The following SMAP1 variants were observed in gnomAD, a reference collection of about 807,000 sequenced individuals.
SMAP1 encodes small ArfGAP 1, also known as stromal membrane-associated protein 1.
SMAP1 carries 24 observed loss-of-function variants against 58.5 expected under a neutral mutation model. The observed-to-expected ratio is 0.41, with a 90% CI of 0.30 to 0.58. The LOEUF (loss-of-function observed/expected upper bound fraction) is 0.58. Ranked by LOEUF, SMAP1 falls within the 20% of genes least tolerant of loss-of-function variation. SMAP1 has a pLI of 0.29. For missense variants in SMAP1, 563 were observed against 566.3 expected, an observed-to-expected ratio of 0.99 and a Z score of 0.06; for synonymous variants, 216 against 196.6, an observed-to-expected ratio of 1.10 and a Z score of -0.82.
intron 4 of SMAP1, among the ~76,000 whole-genome samples, chr6:70,786,434 T>A (rs1221781512): frequency 1.6e-5 from 2 of 122,302 alleles, no homozygotes; most frequent in Non-Finnish European, 3.3e-5. Context: ...TTCAACATAG[T>A]GTTGGAAGTT....
Position 70,784,629 on chromosome 6 carries a change from C to CA in SMAP1, c.415-7053dup, listed in dbSNP as rs1222244254. Among the ~76,000 whole-genome samples the CA allele has an allele frequency of 4.0e-5, 6 of 151,604 alleles. No individual in the cohort carries two copies. In the South Asian group the frequency reaches 1.3e-3, roughly 32 times the overall value. ...GAAGATCTACCAAGCAAATGGAAAACAAAAAAAGGCAGGGGTTGCAATCCC... is the reference window on the plus strand; with the variant it reads ...GAAGATCTACCAAGCAAATGGAAAACAAAAAAAAGGCAGGGGTTGCAATCCC... On this transcript the variant is annotated intron_variant, in intron 4 of 10. Transcript: ENST00000370455.
intron 7 of SMAP1, among the ~76,000 whole-genome samples, chr6:70,841,631 G>A (rs1770811718): frequency 6.6e-6 from 1 of 152,066 alleles, no homozygotes; most frequent in Non-Finnish European, 1.5e-5. Context: ...GAACTATATG[G>A]AGAAGTAGGT....
intron 2 of SMAP1, among the ~76,000 whole-genome samples, chr6:70,750,833 G>T (rs1490833613): frequency 1.3e-5 from 2 of 152,198 alleles, no homozygotes; most frequent in Non-Finnish European, 2.9e-5. Flanking sequence ...GGTAAGTTTG[G>T]ATGAAGATGA....
At chr6:70,791,602 A>G (rs1475147284) in intron 4 of SMAP1, 87 bp from the exon 5 acceptor site, 9 of 1,085,868 alleles carry the variant, frequency 8.3e-6, no homozygotes, top group Non-Finnish European at 1.2e-5. Flanking sequence ...TCAAAAATAT[A>G]CAGGGATTTT....
intron 1 of SMAP1, among the ~76,000 whole-genome samples, chr6:70,728,973 T>A (rs1765298022): frequency 1.3e-5 from 2 of 152,228 alleles, no homozygotes; most frequent in Admixed American, 1.3e-4. Context: ...TACTCTTGAC[T>A]TCTTTGGAAT....
rs58948808 is a variant in SMAP1, at chr6:70,796,024, C to T, written c.496-2633C>T. ...GATTACAGGCATGAGCCACCATGCC[C>T]GGCCTCCTTCTCAACATATTAATGA... On this transcript the variant is annotated intron_variant, in intron 5 of 10. Transcript: ENST00000370455. 2.5e-3 allele frequency among the ~76,000 whole-genome samples: 381 copies of T among 152,242 alleles called. 2 individuals carry two copies. The highest frequency in any genetic ancestry group is 8.3e-3 in the African/African-American group (343 of 41,560).
Position 70,860,533 on chromosome 6 carries a change from C to T in SMAP1, c.*199C>T. The T allele has an allele frequency of 2.0e-6, 1 of 505,596 alleles. No homozygotes were observed. The highest frequency in any genetic ancestry group is 3.2e-6 in the Non-Finnish European group (1 of 313,020). 31.3% of individuals were successfully genotyped at this position (505,596 alleles called of 1,614,324 possible). A position where few individuals can be genotyped will look rare whatever the true frequency, so the allele number is the denominator to read the frequency against. ...AGCAGGTTGATAAATCATTTTATGT[C>T]AAGGGCAGCTTTGCTCATATTTCCC... On this transcript the variant is annotated 3_prime_UTR_variant, in exon 11 of 11. Coordinates refer to ENST00000370455, the MANE Select transcript of SMAP1 (RefSeq NM_001044305.3).
chr6:70,715,526 C>G (rs924269300), intron 1 of SMAP1, among the ~76,000 whole-genome samples: 1 of 152,136 alleles, frequency 6.6e-6, no homozygotes, highest in African/African-American at 2.4e-5. Flanking sequence ...CTTTCTTTCT[C>G]TCTTCTGCAA....
intron 7 of SMAP1, among the ~76,000 whole-genome samples, chr6:70,843,657 T>C (rs1770883024): frequency 6.6e-6 from 1 of 152,150 alleles, no homozygotes; most frequent in African/African-American, 2.4e-5. Flanking sequence ...GAAATAGACA[T>C]TGGACCCATT....
intron 6 of SMAP1, among the ~76,000 whole-genome samples, chr6:70,806,158 C>A (rs761376268): frequency 6.6e-6 from 1 of 152,224 alleles, no homozygotes; most frequent in Non-Finnish European, 1.5e-5. Flanking sequence ...CTGCGGTGGG[C>A]TCCGCTAAGT....
At chr6:70,689,929 A>G (rs942653931) in intron 1 of SMAP1, among the ~76,000 whole-genome samples, 7 of 152,120 alleles carry the variant, frequency 4.6e-5, no homozygotes, top group Admixed American at 1.3e-4. Flanking sequence ...AGTTAACCTC[A>G]TTTATTTGTT....
intron 2 of SMAP1, among the ~76,000 whole-genome samples, chr6:70,745,654 T>C (rs908633664): frequency 2.6e-3 from 393 of 152,266 alleles, no homozygotes; most frequent in Non-Finnish European, 4.7e-3. Flanking sequence ...CTTGGCAATG[T>C]GGGCTCTTTT....
At chr6:70,721,397 A>T (rs1315094969) in intron 1 of SMAP1, among the ~76,000 whole-genome samples, 2 of 152,160 alleles carry the variant, frequency 1.3e-5, no homozygotes, top group African/African-American at 4.8e-5. Context: ...CAAGTTCCTC[A>T]TCTCCATCTG....
rs116309302 is a variant in SMAP1 at position 70,738,850 on chromosome 6, A to T, written c.252+6339A>T. Among the ~76,000 whole-genome samples, 453 of 152,284 alleles carry T rather than the reference A, an allele frequency of 3.0e-3. 2 individuals carry two copies. The highest frequency in any genetic ancestry group is 0.011 in the African/African-American group (438 of 41,564). On this transcript the variant is annotated intron_variant, in intron 2 of 10. Transcript: ENST00000370455. ...TCCCAATATTCAGTGTTAAATTGAGATGTTTAGGATTATAAGAGGAGATGA... is the reference window on the plus strand; with the variant it reads ...TCCCAATATTCAGTGTTAAATTGAGTTGTTTAGGATTATAAGAGGAGATGA...
At chr6:70,775,817 C>T (rs1345184482) in intron 4 of SMAP1, among the ~76,000 whole-genome samples, 2 of 152,112 alleles carry the variant, frequency 1.3e-5, no homozygotes, top group African/African-American at 4.8e-5. Flanking sequence ...TGTATTCCAC[C>T]TATTCCAATA....
intron 6 of SMAP1, among the ~76,000 whole-genome samples, chr6:70,802,179 C>G (rs1242856948): frequency 3.3e-5 from 5 of 152,160 alleles, no homozygotes; most frequent in Non-Finnish European, 5.9e-5. Context: ...TTTGTGTCCT[C>G]TTTTATTTCA....
intron 3 of SMAP1, among the ~76,000 whole-genome samples, chr6:70,758,401 G>A (rs1582126377): frequency 6.8e-6 from 1 of 147,878 alleles, no homozygotes; most frequent in Non-Finnish European, 1.5e-5. Flanking sequence ...GGATAGCATT[G>A]GGAGATATAC....
intron 1 of SMAP1, among the ~76,000 whole-genome samples, chr6:70,690,708 A>T (rs60856234): frequency 0.08 from 11,887 of 148,942 alleles, 625 homozygotes; most frequent in Non-Finnish European, 0.12. Context: ...ATATATATAT[A>T]TTTTTGAATT....
intron 1 of SMAP1, among the ~76,000 whole-genome samples, chr6:70,724,307 C>T (rs756875198): frequency 7.9e-5 from 12 of 152,026 alleles, no homozygotes; most frequent in Non-Finnish European, 1.8e-4. Flanking sequence ...AGCAATTCTC[C>T]TGCCTCAGCC....
Sources: allele counts gnomAD v4.1 joint callset (sites outside exome capture counted in the v4.1 genomes callset), GRCh38; gene constraint gnomAD v4.1.1; transcripts MANE v1.5; gene names NCBI Gene and HGNC (gene_info 2026-07-23, HGNC 2026-07-21).